CSMD1: variants seen among roughly 807,000 people sequenced by gnomAD.
CSMD1 encodes the protein CUB and sushi domain-containing protein 1.
Under a neutral mutation model 417.5 loss-of-function variants are expected in CSMD1, and 213 were observed. The observed-to-expected ratio is 0.51, with a 90% CI of 0.46 to 0.57. CSMD1 has a LOEUF of 0.57. CSMD1 is among the 20% of genes least tolerant of loss of function. CSMD1 has a pLI of 0.00. For missense variants in CSMD1, 6,923 were observed against 4,529.7 expected (o/e 1.53, Z -15.17); for synonymous variants, 2,862 against 1,736.8 (o/e 1.65, Z -16.11).
intron 3 of CSMD1, among the ~76,000 whole-genome samples, chr8:4,037,167 G>C (rs1193109248): frequency 6.6e-6 from 1 of 152,170 alleles, no homozygotes; most frequent in African/African-American, 2.4e-5. Flanking sequence ...GTGTGTCAGT[G>C]TTCAATATTA....
At chr8:4,345,950 C>G (rs1167240378) in intron 3 of CSMD1, among the ~76,000 whole-genome samples, 1 of 152,138 alleles carries the variant, frequency 6.6e-6, no homozygotes, top group East Asian at 1.9e-4. Context: ...TGTTTTCAAA[C>G]TACGCTCTTC....
At chr8:4,628,161 A>G (rs1802233061) in intron 2 of CSMD1, among the ~76,000 whole-genome samples, 1 of 151,546 alleles carries the variant, frequency 6.6e-6, no homozygotes, top group South Asian at 2.1e-4. Context: ...TCAAATTTCA[A>G]CTGAATGATT....
chr8:4,858,645 C>T (rs1412181413), intron 1 of CSMD1, among the ~76,000 whole-genome samples: 187 of 151,800 alleles, frequency 1.2e-3, no homozygotes, highest in Non-Finnish European at 1.7e-3. Context: ...AGCCAAATCA[C>T]GAGTGAACTC....
chr8:4,425,818 C>T (rs962114656), intron 2 of CSMD1, among the ~76,000 whole-genome samples: 3 of 151,980 alleles, frequency 2.0e-5, no homozygotes, highest in African/African-American at 7.2e-5. Context: ...TTTGATGGTC[C>T]AGGGTAGTAC....
chr8:4,747,952 C>T (rs764393305), intron 1 of CSMD1, among the ~76,000 whole-genome samples: 4 of 152,204 alleles, frequency 2.6e-5, no homozygotes, highest in Non-Finnish European at 4.4e-5. Context: ...ACCATATGTT[C>T]TGCCTTCTAC....
chr8:4,788,589 A>T, intron 1 of CSMD1: 1 of 1,198,348 alleles, frequency 8.3e-7, no homozygotes, highest in Non-Finnish European at 1.2e-6. Context: ...AATTTATAAG[A>T]AACAATGCCA....
chr8:4,306,914 A>G (rs1309476654), intron 3 of CSMD1, among the ~76,000 whole-genome samples: 2 of 152,082 alleles, frequency 1.3e-5, no homozygotes, highest in Non-Finnish European at 2.9e-5. Context: ...ATATACTTCA[A>G]AATCCTCAGT....
chr8:4,193,232 G>A (rs535681773), intron 3 of CSMD1, among the ~76,000 whole-genome samples: 2 of 150,920 alleles, frequency 1.3e-5, no homozygotes, highest in African/African-American at 4.9e-5. Context: ...TGCCACAAAC[G>A]TAAAACCTTA....
chr8:3,292,177 C>G (rs929905915), intron 25 of CSMD1, among the ~76,000 whole-genome samples: 2 of 152,188 alleles, frequency 1.3e-5, no homozygotes, highest in African/African-American at 4.8e-5. Flanking sequence ...TTTGATTGCA[C>G]TGTGGTCTGA....
rs146506518 is a variant in CSMD1, at chr8:3,964,919, A to G, written c.818+32984T>C. Among the ~76,000 whole-genome samples, 6 of 152,302 alleles carry G rather than the reference A, an allele frequency of 3.9e-5. No individual in the cohort carries two copies. In the East Asian group the frequency reaches 1.2e-3, roughly 29 times the overall value. On this transcript the variant is annotated intron_variant, in intron 5 of 69. Coordinates refer to ENST00000635120, the MANE Select transcript of CSMD1 (RefSeq NM_033225.6). ...AAAAGTTCAATACAATTAAGTTCTT[A>G]AATATTTGTCTTCATTTTGGGGGTT...
intron 2 of CSMD1, among the ~76,000 whole-genome samples, chr8:4,590,429 C>T (rs1281186535): frequency 6.6e-6 from 1 of 152,112 alleles, no homozygotes. Flanking sequence ...TGTTATTCAT[C>T]CCTAGCTGTT....
intron 10 of CSMD1, among the ~76,000 whole-genome samples, chr8:3,507,585 C>G (rs1366811893): frequency 6.6e-6 from 1 of 152,272 alleles, no homozygotes; most frequent in East Asian, 1.9e-4. Flanking sequence ...GCCACACTGA[C>G]TTCCACAATG....
chr8:3,168,911 G>A (rs1007490415), intron 37 of CSMD1, among the ~76,000 whole-genome samples: 2 of 146,862 alleles, frequency 1.4e-5, no homozygotes, highest in African/African-American at 5.0e-5. Context: ...TTTAGGGGAA[G>A]TAAAATGTTC....
rs57855577 is a variant in CSMD1 at position 4,793,938 on chromosome 8, G to A, written c.86-156380C>T. ...ATGTGATGTAAGTTGAGGTTTGTGT[G>A]AAAATGAACTGGCACTTCTGTTAGG... On this transcript the variant is annotated intron_variant, in intron 1 of 69. Transcript: ENST00000635120. 1.2e-4 allele frequency among the ~76,000 whole-genome samples: 19 copies of A among 152,154 alleles called. No homozygotes were observed. In the South Asian group the frequency reaches 3.3e-3, roughly 27 times the overall value.
chr8:3,510,206 C>T (rs913542209), intron 10 of CSMD1, among the ~76,000 whole-genome samples: 2 of 149,984 alleles, frequency 1.3e-5, no homozygotes, highest in Non-Finnish European at 2.9e-5. Flanking sequence ...TGGGGCTGGA[C>T]ATCAGGGAGT....
Position 4,381,110 on chromosome 8 carries a change from C to T in CSMD1, c.415+38843G>A, listed in dbSNP as rs1803075048. ...ATTGTGGTTTTAGCCATTACTTTTG[C>T]ACCAACCTAATAAAATGTCAGTGAC... On this transcript the variant is annotated intron_variant, in intron 3 of 69. Transcript: ENST00000635120. Among the ~76,000 whole-genome samples the T allele has an allele frequency of 2.6e-5, 4 of 152,130 alleles. No homozygotes were observed. The South Asian group carries it at 6.2e-4, about 24-fold the overall frequency.
At chr8:3,035,804 T>G (rs1284890280) in intron 50 of CSMD1, among the ~76,000 whole-genome samples, 1 of 152,244 alleles carries the variant, frequency 6.6e-6, no homozygotes, top group Admixed American at 6.5e-5. Context: ...ATGACAGACA[T>G]TGTTCAACTT....
chr8:4,437,682 A>G (rs1798224345), intron 2 of CSMD1, among the ~76,000 whole-genome samples: 1 of 152,216 alleles, frequency 6.6e-6, no homozygotes, highest in African/African-American at 2.4e-5. Flanking sequence ...TAATATTTAT[A>G]AGACCTTTAG....
chr8:2,935,453 A>C lies in CSMD1; in HGVS notation c.*3132T>G, dbSNP rs1479896948. The C allele has an allele frequency of 6.6e-6, 1 of 151,684 alleles. No individual in the cohort carries two copies. Among genetic ancestry groups the C allele is most frequent in the Non-Finnish European group, 1.5e-5 (1 of 67,902 alleles). The allele number at this position is 151,684 out of a possible 1,614,324, so 9.4% of individuals were successfully genotyped here. On this transcript the variant is annotated 3_prime_UTR_variant, in exon 70 of 70. Coordinates refer to ENST00000635120, the MANE Select transcript of CSMD1 (RefSeq NM_033225.6). ...ACACCCTCTTTATAATTTTTTTGAC[A>C]AAAAAAAGATACTGTTCATTTTAAC... is the stretch of plus-strand genomic sequence containing the variant.
Sources: allele counts gnomAD v4.1 joint callset (sites outside exome capture counted in the v4.1 genomes callset), GRCh38; gene constraint gnomAD v4.1.1; transcripts MANE v1.5; gene names NCBI Gene and HGNC (gene_info 2026-07-23, HGNC 2026-07-21).